Variants in SVIL observed in about 807,000 individuals in gnomAD.
The protein encoded by SVIL is supervillin, also known as archvillin.
A neutral mutation model predicts 240.4 loss-of-function variants in SVIL; 101 were observed. The ratio of observed to expected loss-of-function variants is 0.42; its 90% CI spans 0.36 to 0.50. The LOEUF (loss-of-function observed/expected upper bound fraction) is 0.50, where lower values mean the gene tolerates loss of function less well. Among genes scored for constraint, SVIL ranks in the 20% least tolerant of loss-of-function variants. The pLI is 0.01. For synonymous variants in SVIL, 999 were observed against 1,100.0 expected (o/e 0.91, Z 1.82); for missense variants, 2,512 against 2,818.7 (o/e 0.89, Z 2.46).
At chr10:29,713,200 A>C (rs1564352420) in intron 1 of SVIL, among the ~76,000 whole-genome samples, 1 of 151,750 alleles carries the variant, frequency 6.6e-6, no homozygotes, top group Non-Finnish European at 1.5e-5. Flanking sequence ...AAAAAAAAAA[A>C]CTGCAGTGGT....
intron 1 of SVIL, among the ~76,000 whole-genome samples, chr10:29,714,199 T>G (rs1392782561): frequency 6.6e-6 from 1 of 152,190 alleles, no homozygotes; most frequent in Admixed American, 6.5e-5. Flanking sequence ...AGAGGGCCAT[T>G]CCTTCATTTA....
At position 29,554,791 on chromosome 10, in the gene SVIL, G is replaced by T; in HGVS notation, c.152C>A (p.Pro51His). ...CCCAGCTCCACGCTCACCGATGTGG[G>T]GGCTGGCAGGGTCGCTGGCTCTCAT... ...RYMRASDPAS[P>H]HIGRSNEEEE... is the part of the protein sequence containing the mutation. Residue 51 changes from proline to histidine, a missense_variant, in exon 5 of 38, where the codon CCC becomes CAC. Transcript: ENST00000355867. 6.3e-7 allele frequency: 1 copy of T among 1,598,604 alleles called. No individual in the cohort carries two copies. The highest frequency in any genetic ancestry group is 8.5e-7 in the Non-Finnish European group (1 of 1,173,318).
upstream of SVIL, among the ~76,000 whole-genome samples, chr10:29,639,067 T>G (rs2132974760): frequency 6.6e-6 from 1 of 152,190 alleles, no homozygotes; most frequent in East Asian, 1.9e-4. Context: ...GTAGCTGGGA[T>G]AACGAAAGTG....
In SVIL at chr10:29,523,944, A is replaced by G. The variant is rs778626820; in HGVS notation, c.2670T>C (p.Tyr890=). The change falls in exon 15 of 38, where the codon TAT becomes TAC. Residue 890 remains tyrosine (Y), a synonymous_variant. Transcript: ENST00000355867. ...GTGGCTTTGTGCGAAGATCTCCGGCATACATTGGAGCAACCGTGGATGCTA... is the reference window on the plus strand; with the variant it reads ...GTGGCTTTGTGCGAAGATCTCCGGCGTACATTGGAGCAACCGTGGATGCTA... ...STVASTVAPM[Y]AGDLRTKPPL... The G allele has an allele frequency of 6.2e-7, 1 of 1,614,170 alleles. No individual in the cohort carries two copies. Among genetic ancestry groups the G allele is most frequent in the Non-Finnish European group, 8.5e-7 (1 of 1,180,024 alleles).
At chr10:29,652,791 T>C (rs1958879482) in intron 3 of SVIL, among the ~76,000 whole-genome samples, 1 of 152,226 alleles carries the variant, frequency 6.6e-6, no homozygotes, top group African/African-American at 2.4e-5. Context: ...TAATGGCTAA[T>C]GATAGTAAAA....
chr10:29,521,074 T>A (rs1483917295), intron 16 of SVIL, among the ~76,000 whole-genome samples: 1 of 151,142 alleles, frequency 6.6e-6, no homozygotes, highest in Non-Finnish European at 1.5e-5. Flanking sequence ...ATACAAAAAA[T>A]TAGCTGGGTG....
Position 29,720,699 on chromosome 10 carries a change from A to C in SVIL, c.-400+15052T>G, listed in dbSNP as rs188675658. Among the ~76,000 whole-genome samples, 544 of 152,358 alleles carry C rather than the reference A, an allele frequency of 3.6e-3. 6 individuals are homozygous for C. Among genetic ancestry groups the C allele is most frequent in the African/African-American group, 0.012 (505 of 41,584 alleles). On this transcript the variant is annotated intron_variant, in intron 1 of 35. Coordinates refer to the SVIL transcript ENST00000375400. ...TCTCAAACAATAATAACTTATATGG[A>C]GTTAATCACATATGTAAAAGTAAAC...
chr10:29,577,977 C>A (rs563153683), intron 1 of SVIL, among the ~76,000 whole-genome samples: 2 of 151,902 alleles, frequency 1.3e-5, no homozygotes, highest in South Asian at 4.2e-4. Context: ...GTTAATGGAC[C>A]CAGTTGCGTA....
In SVIL at chr10:29,717,706, TA is replaced by T. The variant is rs1404657456; in HGVS notation, c.-400+18044del. On this transcript the variant is annotated intron_variant, in intron 1 of 35. Transcript: ENST00000375400. The stretch of plus-strand genomic sequence containing the variant: ...TTTCAAAAAGTCAAATTAATTATTC[TA>T]AAAAAGATGAACCAGTTTTGTCAAG... Among the ~76,000 whole-genome samples, 9 of 152,346 alleles carry T rather than the reference TA, an allele frequency of 5.9e-5. No homozygotes were observed. In the East Asian group the frequency reaches 1.7e-3, roughly 29 times the overall value.
At chr10:29,605,335 G>A (rs1473296724) in intron 1 of SVIL, among the ~76,000 whole-genome samples, 4 of 152,112 alleles carry the variant, frequency 2.6e-5, no homozygotes, top group Non-Finnish European at 2.9e-5. Flanking sequence ...CTGTCAAATC[G>A]CACCAGTTTA....
At chr10:29,704,325 C>T (rs960072892) in intron 1 of SVIL, among the ~76,000 whole-genome samples, 1 of 152,198 alleles carries the variant, frequency 6.6e-6, no homozygotes, top group Non-Finnish European at 1.5e-5. Context: ...ACTGAGCATG[C>T]ACCAAACTGT....
At chr10:29,694,500 C>G (rs552664557) in intron 1 of SVIL, among the ~76,000 whole-genome samples, 32 of 152,104 alleles carry the variant, frequency 2.1e-4, no homozygotes, top group African/African-American at 7.7e-4. Context: ...TACTCTGTCA[C>G]CTGGGCTGGA....
At chr10:29,481,788 C>G in intron 27 of SVIL, 60 bp from the exon 28 acceptor site, 9 of 1,570,244 alleles carry the variant, frequency 5.7e-6, no homozygotes, top group Admixed American at 1.9e-5. Flanking sequence ...TGAAGCCAAG[C>G]TTAAACAAAG....
chr10:29,554,661 A>C, intron 5 of SVIL, 122 bp downstream of exon 5: 1 of 1,280,984 alleles, frequency 7.8e-7, no homozygotes, highest in Non-Finnish European at 1.0e-6. Context: ...TGCTAAAAAA[A>C]TTATATCCAC....
At chr10:29,567,662 T>A (rs1169790241) in intron 2 of SVIL, among the ~76,000 whole-genome samples, 1 of 152,190 alleles carries the variant, frequency 6.6e-6, no homozygotes. Flanking sequence ...TCCTGTCTCT[T>A]TTTTCCTTAG....
At chr10:29,694,060 C>T (rs1961730456) in intron 1 of SVIL, among the ~76,000 whole-genome samples, 1 of 151,794 alleles carries the variant, frequency 6.6e-6, no homozygotes, top group Non-Finnish European at 1.5e-5. Context: ...CCATAGACAG[C>T]CCCCCTACCC....
At chr10:29,561,801 C>T (rs188399932) in intron 3 of SVIL, among the ~76,000 whole-genome samples, 1 of 152,206 alleles carries the variant, frequency 6.6e-6, no homozygotes, top group African/African-American at 2.4e-5. Context: ...TATGAAATCT[C>T]ATCTGCCTCC....
Position 29,484,983 on chromosome 10 carries a change from T to C in SVIL, c.4780-152A>G. 1.1e-4 allele frequency: 82 copies of C among 753,200 alleles called. No homozygotes were observed. Among genetic ancestry groups the C allele is most frequent in the Non-Finnish European group, 1.6e-4 (78 of 490,512 alleles). The allele number at this position is 753,200 out of a possible 1,614,324, so 46.7% of individuals were successfully genotyped here. ...ACACAGACACAAAAAGGCCAGGAGA[T>C]CTCAGCTGGCACTGCCCCACCGAGC... is the stretch of plus-strand genomic sequence containing the variant. On this transcript the variant is annotated intron_variant, in intron 26 of 37. Coordinates refer to ENST00000355867, the MANE Select transcript of SVIL (RefSeq NM_021738.3). The surrounding 1 kb of genome is among the most constrained non-coding windows in gnomAD (Gnocchi z 4.7).
At chr10:29,576,872 C>A (rs1955718510) in intron 1 of SVIL, among the ~76,000 whole-genome samples, 1 of 152,012 alleles carries the variant, frequency 6.6e-6, no homozygotes, top group African/African-American at 2.4e-5. Context: ...TTCTTTTTAA[C>A]AATGCAAATG....
Sources: gnomAD v4.1 joint callset for allele counts (sites outside exome capture counted in the v4.1 genomes callset) on GRCh38, gnomAD v4.1.1 for gene constraint, Gnocchi (gnomAD v3.1) non-coding constraint, MANE v1.5 for transcripts, NCBI Gene and HGNC (gene_info 2026-07-23, HGNC 2026-07-21) for gene names.